Variants in OSBPL8 observed in about 807,000 individuals in gnomAD.
OSBPL8 encodes oxysterol-binding protein-related protein 8.
In OSBPL8, 59 loss-of-function variants were observed where a neutral mutation model predicts 125.5. The ratio of observed to expected loss-of-function variants is 0.47; its 90% CI spans 0.38 to 0.58. The LOEUF is 0.58. OSBPL8 is among the 20% of genes least tolerant of loss of function. The probability of loss-of-function intolerance (pLI) is 0.00; values close to 1 mark genes in which losing one functional copy is unlikely to be tolerated. For synonymous variants in OSBPL8, 330 were observed against 338.9 expected, an observed-to-expected ratio of 0.97 and a Z score of 0.29; for missense variants, 758 against 1,047.8, an observed-to-expected ratio of 0.72 and a Z score of 3.82.
intron 21 of OSBPL8, among the ~76,000 whole-genome samples, chr12:76,368,932 C>T (rs1387097329): frequency 6.6e-6 from 1 of 152,078 alleles, no homozygotes; most frequent in Non-Finnish European, 1.5e-5. Context: ...GGACCTGGGG[C>T]AAGGGCAGGT....
intron 1 of OSBPL8, among the ~76,000 whole-genome samples, chr12:76,509,739 TAG>T (rs1880787657): frequency 6.6e-6 from 1 of 152,066 alleles, no homozygotes; most frequent in Admixed American, 6.5e-5. Flanking sequence ...GGAAGTGGAT[TAG>T]AGGTGTGCCG....
chr12:76,378,625 A>G (rs1280129346), intron 15 of OSBPL8, 75 bp from the exon 16 acceptor site: 1 of 1,016,378 alleles, frequency 9.8e-7, no homozygotes, highest in Non-Finnish European at 1.5e-6. Context: ...TATATTTAGA[A>G]CACCTACCAG....
intron 22 of OSBPL8, among the ~76,000 whole-genome samples, chr12:76,357,608 C>T (rs970031602): frequency 1.3e-5 from 2 of 152,118 alleles, no homozygotes; most frequent in African/African-American, 4.8e-5. Context: ...CCTCTAACTA[C>T]TCTAGTATGT....
At chr12:76,433,167 C>T (rs1380670290) in intron 4 of OSBPL8, among the ~76,000 whole-genome samples, 1 of 152,122 alleles carries the variant, frequency 6.6e-6, no homozygotes, top group Non-Finnish European at 1.5e-5. Flanking sequence ...AGATCCAGAA[C>T]AAGGCAAGGA....
At chr12:76,436,475 C>T (rs1871460032) in intron 4 of OSBPL8, among the ~76,000 whole-genome samples, 1 of 151,696 alleles carries the variant, frequency 6.6e-6, no homozygotes, top group African/African-American at 2.4e-5. Flanking sequence ...ACCCCCCCGC[C>T]CAATATCTAT....
intron 2 of OSBPL8, among the ~76,000 whole-genome samples, chr12:76,480,075 G>A (rs1223951301): frequency 6.8e-6 from 1 of 147,870 alleles, no homozygotes; most frequent in African/African-American, 2.5e-5. Context: ...GCTGAGGCAG[G>A]AGAATCGCTT....
intron 1 of OSBPL8, among the ~76,000 whole-genome samples, chr12:76,538,544 GGAT>G (rs1950558269): frequency 6.6e-6 from 1 of 152,110 alleles, no homozygotes; most frequent in Non-Finnish European, 1.5e-5. Flanking sequence ...ATGATTAAAG[GGAT>G]GACAGGCAAC....
chr12:76,366,267 T>C (rs577456852), intron 21 of OSBPL8, among the ~76,000 whole-genome samples: 2 of 152,232 alleles, frequency 1.3e-5, no homozygotes, highest in African/African-American at 2.4e-5. Flanking sequence ...TACAGCTCTA[T>C]TGAGATTTTC....
In OSBPL8 at chr12:76,469,588, A is replaced by AT. The variant is rs528656015; in HGVS notation, c.43-9694dup. ...TATGCAAGCTTTACACTCAGTTCTT[A>AT]TTTTTTGCCTAGAAAACTTCCTTTA... On this transcript the variant is annotated intron_variant, in intron 2 of 23. Transcript: ENST00000261183. Among the ~76,000 whole-genome samples, 8 of 152,196 alleles carry AT rather than the reference A, an allele frequency of 5.3e-5. No homozygotes were observed. In the East Asian group the frequency reaches 1.4e-3, roughly 26 times the overall value.
Position 76,394,614 on chromosome 12 carries a change from C to G in OSBPL8, c.757+31G>C. 1.9e-6 allele frequency: 3 copies of G among 1,555,358 alleles called. No homozygotes were observed. The South Asian group carries it at 3.5e-5, about 18-fold the overall frequency. ...TAAAAAAACTCTTAAAAATGAAGAC[C>G]AAAATCCAATCCATCAAAAACTATA... On this transcript the variant is annotated intron_variant, in intron 9 of 23. Coordinates refer to ENST00000261183, the MANE Select transcript of OSBPL8 (RefSeq NM_020841.5).
chr12:76,430,113 C>T (rs1870633432), intron 4 of OSBPL8, among the ~76,000 whole-genome samples: 1 of 152,174 alleles, frequency 6.6e-6, no homozygotes, highest in Non-Finnish European at 1.5e-5. Flanking sequence ...GCTGAGTGAC[C>T]TCTCTGGGGA....
At chr12:76,507,857 T>C (rs1880567675) in intron 1 of OSBPL8, among the ~76,000 whole-genome samples, 1 of 145,396 alleles carries the variant, frequency 6.9e-6, no homozygotes, top group South Asian at 2.1e-4. Flanking sequence ...ATGAATACAT[T>C]ACACTTTTAA....
chr12:76,424,842 AT>A (rs1268748214), intron 4 of OSBPL8, among the ~76,000 whole-genome samples: 1 of 152,210 alleles, frequency 6.6e-6, no homozygotes, highest in African/African-American at 2.4e-5. Context: ...TTTTAAAAAA[AT>A]AAACAAATAT....
chr12:76,436,735 C>T (rs927793207), intron 4 of OSBPL8, among the ~76,000 whole-genome samples: 2 of 151,970 alleles, frequency 1.3e-5, no homozygotes, highest in Non-Finnish European at 2.9e-5. Flanking sequence ...AGTCCACAAA[C>T]TATACCTTTG....
In OSBPL8 at chr12:76,484,124, G is replaced by C. The variant is rs529890667; in HGVS notation, c.42+3386C>G. On this transcript the variant is annotated intron_variant, in intron 2 of 23. Coordinates refer to ENST00000261183, the MANE Select transcript of OSBPL8 (RefSeq NM_020841.5). Reference sequence around the variant, plus strand: ...GCACTCAAAGCCTTCCATAAATTTGGTCTCTATCTGGCATATCCATCATTA... The same window carrying C: ...GCACTCAAAGCCTTCCATAAATTTGCTCTCTATCTGGCATATCCATCATTA... 3.9e-5 allele frequency among the ~76,000 whole-genome samples: 6 copies of C among 152,198 alleles called. No homozygotes were observed. In the South Asian group the frequency reaches 1.2e-3, roughly 32 times the overall value.
intron 2 of OSBPL8, among the ~76,000 whole-genome samples, chr12:76,481,087 T>C (rs901440021): frequency 6.6e-6 from 1 of 152,156 alleles, no homozygotes; most frequent in Non-Finnish European, 1.5e-5. Flanking sequence ...AATGAATGCA[T>C]TCTCTAGATA....
chr12:76,535,257 T>A (rs1237252520), intron 1 of OSBPL8, among the ~76,000 whole-genome samples: 3 of 151,910 alleles, frequency 2.0e-5, no homozygotes, highest in Non-Finnish European at 1.5e-5. Flanking sequence ...ATAAAGAACC[T>A]TCAATAAGAA....
intron 2 of OSBPL8, among the ~76,000 whole-genome samples, chr12:76,469,738 C>T (rs970289532): frequency 6.6e-6 from 1 of 152,140 alleles, no homozygotes; most frequent in East Asian, 1.9e-4. Context: ...GCAATCATCT[C>T]GTAACACAGT....
chr12:76,423,687 ATACCTTACCC>A (rs1232730180), intron 4 of OSBPL8, among the ~76,000 whole-genome samples: 4 of 152,264 alleles, frequency 2.6e-5, no homozygotes, highest in African/African-American at 9.6e-5. Context: ...TAAAATCCAT[ATACCTTACCC>A]TACCTTAATT....
Sources: allele counts gnomAD v4.1 joint callset (sites outside exome capture counted in the v4.1 genomes callset), GRCh38; gene constraint gnomAD v4.1.1; transcripts MANE v1.5; gene names NCBI Gene and HGNC (gene_info 2026-07-23, HGNC 2026-07-21).